Variants in PPM1H observed in about 807,000 individuals in gnomAD.
The protein encoded by PPM1H is protein phosphatase, Mg2+/Mn2+ dependent 1H, also known as protein phosphatase 1H.
In PPM1H, 27 loss-of-function variants were observed where a neutral mutation model predicts 54.9. The ratio of observed to expected loss-of-function variants is 0.49; its 90% CI spans 0.36 to 0.68. The LOEUF is 0.68. PPM1H is among the 30% of genes least tolerant of loss of function. The probability of loss-of-function intolerance (pLI) is 0.00; values close to 1 mark genes in which losing one functional copy is unlikely to be tolerated. For synonymous variants in PPM1H, 305 were observed against 270.8 expected, an observed-to-expected ratio of 1.13 and a Z score of -1.24; for missense variants, 596 against 667.8, an observed-to-expected ratio of 0.89 and a Z score of 1.19.
chr12:62,878,169 A>G (rs1217962588), intron 1 of PPM1H, among the ~76,000 whole-genome samples: 2 of 152,192 alleles, frequency 1.3e-5, no homozygotes, highest in East Asian at 3.9e-4. Context: ...AAGTGCTGGG[A>G]TTACAGGCGT....
At chr12:62,723,523 G>A (rs535720239) in intron 5 of PPM1H, among the ~76,000 whole-genome samples, 1 of 152,156 alleles carries the variant, frequency 6.6e-6, no homozygotes, top group South Asian at 2.1e-4. Flanking sequence ...GAGCCCTCGT[G>A]AATTAATGCT....
intron 9 of PPM1H, chr12:62,658,880 A>G: frequency 1.6e-6 from 1 of 630,652 alleles, no homozygotes; most frequent in Non-Finnish European, 3.0e-6. Flanking sequence ...CAAGAAGTTC[A>G]TCCAGCACCA....
chr12:62,871,550 T>C (rs986564700), intron 1 of PPM1H, among the ~76,000 whole-genome samples: 1 of 150,322 alleles, frequency 6.7e-6, no homozygotes, highest in Non-Finnish European at 1.5e-5. Context: ...GGTCTCACTC[T>C]GTTGTCCATG....
chr12:62,862,057 C>A lies in PPM1H; in HGVS notation c.246-29778G>T, dbSNP rs1387346678. Among the ~76,000 whole-genome samples, 4 of 152,192 alleles carry A rather than the reference C, an allele frequency of 2.6e-5. No homozygotes were observed. The East Asian group carries it at 7.7e-4, about 29-fold the overall frequency. On this transcript the variant is annotated intron_variant, in intron 1 of 9. Coordinates refer to ENST00000228705, the MANE Select transcript of PPM1H (RefSeq NM_020700.2). ...CAACATTTCCTGTGTTACCCTAAAG[C>A]CTTCTGAGATCTAATACACCAAATT...
chr12:62,770,509 T>C (rs1244102770), intron 4 of PPM1H, among the ~76,000 whole-genome samples: 1 of 152,046 alleles, frequency 6.6e-6, no homozygotes, highest in East Asian at 1.9e-4. Flanking sequence ...TGTTGTAAGG[T>C]CTCATTTAAA....
At chr12:62,909,033 GC>G (rs1233284319) in intron 1 of PPM1H, among the ~76,000 whole-genome samples, 1 of 152,018 alleles carries the variant, frequency 6.6e-6, no homozygotes, top group Non-Finnish European at 1.5e-5. Flanking sequence ...TATCCCCTGG[GC>G]TTCTTAAGTA....
At chr12:62,700,741 T>C (rs1224191605) in intron 6 of PPM1H, among the ~76,000 whole-genome samples, 1 of 152,148 alleles carries the variant, frequency 6.6e-6, no homozygotes, top group African/African-American at 2.4e-5. Context: ...TGTTCTGATT[T>C]TCCCTTACTC....
intron 9 of PPM1H, chr12:62,658,798 G>A: frequency 4.2e-6 from 2 of 472,452 alleles, no homozygotes; most frequent in South Asian, 3.8e-5. Flanking sequence ...AAAGAAAGAG[G>A]GGCCATCTCC....
At chr12:62,857,997 C>T (rs1208079242) in intron 1 of PPM1H, among the ~76,000 whole-genome samples, 1 of 151,846 alleles carries the variant, frequency 6.6e-6, no homozygotes, top group Admixed American at 6.6e-5. Context: ...TTATGGCTCC[C>T]CTTTGACCCA....
chr12:62,846,394 G>A (rs1352588615), intron 1 of PPM1H, among the ~76,000 whole-genome samples: 1 of 151,884 alleles, frequency 6.6e-6, no homozygotes, highest in Non-Finnish European at 1.5e-5. Flanking sequence ...CAGCTACTAA[G>A]GAGGCTGAGA....
chr12:62,707,990 C>A (rs1411451819), intron 6 of PPM1H, among the ~76,000 whole-genome samples: 1 of 152,200 alleles, frequency 6.6e-6, no homozygotes, highest in Non-Finnish European at 1.5e-5. Flanking sequence ...CAGCTTTTGC[C>A]AGAGCAACCA....
intron 1 of PPM1H, among the ~76,000 whole-genome samples, chr12:62,912,419 C>T (rs1378995774): frequency 1.3e-5 from 2 of 152,144 alleles, no homozygotes; most frequent in Non-Finnish European, 1.5e-5. Context: ...TCAGGAAGGA[C>T]AGGGCTTCCA....
chr12:62,774,245 C>T (rs563229183), intron 4 of PPM1H, among the ~76,000 whole-genome samples: 5 of 152,264 alleles, frequency 3.3e-5, no homozygotes, highest in East Asian at 3.9e-4. Flanking sequence ...CAGTTTGCTA[C>T]GGGACAAGAT....
In PPM1H at chr12:62,792,373, C is replaced by T. The variant is rs534845878; in HGVS notation, c.757-4035G>A. Among the ~76,000 whole-genome samples the T allele has an allele frequency of 4.6e-5, 7 of 152,318 alleles. No homozygotes were observed. In the South Asian group the frequency reaches 1.2e-3, roughly 27 times the overall value. On this transcript the variant is annotated intron_variant, in intron 3 of 9. Coordinates refer to ENST00000228705, the MANE Select transcript of PPM1H (RefSeq NM_020700.2). ...ACCTTTTTCTACGTTCAGCTACATT[C>T]CCTCTGTAGCTCCCCCTGAATAAGG... is the stretch of plus-strand genomic sequence containing the variant.
At chr12:62,675,380 C>A (rs1174925347) in intron 8 of PPM1H, among the ~76,000 whole-genome samples, 2 of 152,188 alleles carry the variant, frequency 1.3e-5, no homozygotes, top group Non-Finnish European at 2.9e-5. Context: ...GGTTTGTTCA[C>A]CACTAGATCC....
At chr12:62,812,118 G>T (rs888886104) in intron 2 of PPM1H, among the ~76,000 whole-genome samples, 1 of 152,180 alleles carries the variant, frequency 6.6e-6, no homozygotes, top group African/African-American at 2.4e-5. Context: ...CTCGGCTTCT[G>T]TTACTGTGTG....
intron 9 of PPM1H, 74 bp downstream of exon 9, chr12:62,667,104 C>A: frequency 6.9e-7 from 1 of 1,442,374 alleles, no homozygotes; most frequent in Non-Finnish European, 9.5e-7. Flanking sequence ...ATGAAAATTG[C>A]ATGATTATTA....
At chr12:62,862,892 C>A (rs1383024810) in intron 1 of PPM1H, among the ~76,000 whole-genome samples, 1 of 152,146 alleles carries the variant, frequency 6.6e-6, no homozygotes, top group African/African-American at 2.4e-5. Context: ...AGTGAAAATT[C>A]AATACATTTT....
chr12:62,907,897 A>G (rs926069400), intron 1 of PPM1H, among the ~76,000 whole-genome samples: 1 of 152,194 alleles, frequency 6.6e-6, no homozygotes, highest in Middle Eastern at 3.2e-3. Context: ...TGCTCTCTCT[A>G]CATTCAGAAC....
Sources: allele counts gnomAD v4.1 joint callset (sites outside exome capture counted in the v4.1 genomes callset), GRCh38; gene constraint gnomAD v4.1.1; transcripts MANE v1.5; gene names NCBI Gene and HGNC (gene_info 2026-07-23, HGNC 2026-07-21).